Variants in NBAS observed in about 807,000 individuals in gnomAD.
The protein encoded by NBAS is NAG/BC035112 fusion.
In NBAS, 219 loss-of-function variants were observed where a neutral mutation model predicts 302.5. That is an observed-to-expected ratio of 0.72 (90% CI 0.65 to 0.81). NBAS has a LOEUF of 0.81. Among genes scored for constraint, NBAS ranks in the 30% least tolerant of loss-of-function variants. NBAS has a pLI of 0.00. For synonymous variants in NBAS, 1,118 were observed against 1,021.6 expected, an observed-to-expected ratio of 1.09 and a Z score of -1.80; for missense variants, 2,932 against 2,841.6, an observed-to-expected ratio of 1.03 and a Z score of -0.72.
the NBAS span, among the ~76,000 whole-genome samples, chr2:15,034,256 G>GAAA: frequency 1.0e-5 from 1 of 96,340 alleles, no homozygotes; most frequent in East Asian, 2.4e-4. Context: ...AAGAAAGAAA[G>GAAA]AAAGAAAGAA....
chr2:15,156,710 G>A, the NBAS span, among the ~76,000 whole-genome samples: 1 of 152,140 alleles, frequency 6.6e-6, no homozygotes, highest in East Asian at 1.9e-4. Flanking sequence ...GTTTTTAGGG[G>A]AGGGGGCACA....
chr2:14,787,209 A>G, the NBAS span, among the ~76,000 whole-genome samples: 1 of 152,054 alleles, frequency 6.6e-6, no homozygotes, highest in Non-Finnish European at 1.5e-5. Flanking sequence ...TTGAGCCTAC[A>G]TGTGTCTCTG....
intron 12 of NBAS, 88 bp from the exon 13 acceptor site, chr2:15,478,377 G>T: frequency 1.1e-6 from 1 of 933,500 alleles, no homozygotes. Context: ...TTCAAATAAA[G>T]AGATGACGCT....
chr2:15,356,899 G>A (rs912579411), intron 32 of NBAS, among the ~76,000 whole-genome samples: 1 of 152,188 alleles, frequency 6.6e-6, no homozygotes, highest in African/African-American at 2.4e-5. Context: ...GGCAAAGATT[G>A]TTCCTTAACA....
At chr2:15,551,753 A>G (rs905497501) in intron 5 of NBAS, among the ~76,000 whole-genome samples, 9 of 152,202 alleles carry the variant, frequency 5.9e-5, no homozygotes, top group African/African-American at 2.2e-4. Context: ...TTATGGAGAC[A>G]TATATATGGA....
intron 47 of NBAS, among the ~76,000 whole-genome samples, chr2:15,228,174 A>G (rs1298655327): frequency 6.6e-6 from 1 of 152,166 alleles, no homozygotes; most frequent in Non-Finnish European, 1.5e-5. Flanking sequence ...TAAAAGGAGC[A>G]ATAGTGACCT....
intron 21 of NBAS, among the ~76,000 whole-genome samples, chr2:15,459,382 T>C (rs1284948373): frequency 6.6e-6 from 1 of 152,196 alleles, no homozygotes; most frequent in Non-Finnish European, 1.5e-5. Context: ...AGAGAACCAT[T>C]GATCTAATTA....
chr2:14,986,229 G>GAA, the NBAS span, among the ~76,000 whole-genome samples: 7 of 146,146 alleles, frequency 4.8e-5, no homozygotes, highest in Admixed American at 1.4e-4. Context: ...CATAATTGGG[G>GAA]AAAAAAAAAA....
At chr2:15,485,488 A>G (rs1680585566) in intron 12 of NBAS, among the ~76,000 whole-genome samples, 1 of 152,200 alleles carries the variant, frequency 6.6e-6, no homozygotes, top group African/African-American at 2.4e-5. Flanking sequence ...TTTCTTTCCC[A>G]CACAGTCATG....
chr2:15,059,562 A>C, the NBAS span, among the ~76,000 whole-genome samples: 176 of 152,204 alleles, frequency 1.2e-3, no homozygotes, highest in African/African-American at 3.9e-3. Flanking sequence ...AGACCACCTC[A>C]CATAGAACCC....
chr2:15,237,837 T>G (rs1415056182), intron 45 of NBAS, among the ~76,000 whole-genome samples: 1 of 145,438 alleles, frequency 6.9e-6, no homozygotes, highest in African/African-American at 2.6e-5. Context: ...TGCAGGGGCG[T>G]GATCTCAGCT....
At chr2:15,115,329 C>A in the NBAS span, among the ~76,000 whole-genome samples, 1 of 152,136 alleles carries the variant, frequency 6.6e-6, no homozygotes, top group Non-Finnish European at 1.5e-5. Context: ...GGAAGTTAGA[C>A]GCTGACATAC....
chr2:15,501,307 T>C (rs1195697507), intron 11 of NBAS, among the ~76,000 whole-genome samples: 1 of 151,810 alleles, frequency 6.6e-6, no homozygotes, highest in Non-Finnish European at 1.5e-5. Context: ...TAATATTATA[T>C]GCCAGACAAT....
intron 35 of NBAS, among the ~76,000 whole-genome samples, chr2:15,341,586 AAC>A (rs1335486911): frequency 2.0e-5 from 3 of 152,124 alleles, no homozygotes; most frequent in Non-Finnish European, 2.9e-5. Flanking sequence ...GCTTATTACA[AAC>A]ACAGTTATTT....
intron 35 of NBAS, among the ~76,000 whole-genome samples, chr2:15,346,972 AG>A (rs1022645000): frequency 6.6e-6 from 1 of 152,126 alleles, no homozygotes; most frequent in African/African-American, 2.4e-5. Context: ...GGACCCAGGG[AG>A]GGGAACAACA....
At chr2:14,943,712 T>C in the NBAS span, among the ~76,000 whole-genome samples, 165 of 152,354 alleles carry the variant, frequency 1.1e-3, 1 homozygote, top group African/African-American at 3.7e-3. Context: ...GAGTCAGAAT[T>C]GAAACCTAGG....
intron 21 of NBAS, among the ~76,000 whole-genome samples, chr2:15,451,443 C>T (rs964046482): frequency 2.0e-5 from 3 of 152,032 alleles, no homozygotes; most frequent in Non-Finnish European, 2.9e-5. Flanking sequence ...AAATCATAAA[C>T]TAATATAATC....
chr2:15,380,657 C>T (rs976792030), intron 29 of NBAS, among the ~76,000 whole-genome samples: 3 of 152,086 alleles, frequency 2.0e-5, no homozygotes, highest in African/African-American at 2.4e-5. Flanking sequence ...AAAATTACTT[C>T]TATAATTGAG....
chr2:15,378,954 A>C (rs896582802), intron 30 of NBAS, among the ~76,000 whole-genome samples: 25 of 152,206 alleles, frequency 1.6e-4, no homozygotes, highest in African/African-American at 5.8e-4. Context: ...TTTATAAAAA[A>C]TTAACTTTAA....
Sources: allele counts gnomAD v4.1 joint callset (sites outside exome capture counted in the v4.1 genomes callset), GRCh38; gene constraint gnomAD v4.1.1; transcripts MANE v1.5; gene names NCBI Gene and HGNC (gene_info 2026-07-23, HGNC 2026-07-21).